Variants in CBFA2T2 observed in about 807,000 individuals in gnomAD.
CBFA2T2 encodes CBFA2/RUNX1 partner transcriptional co-repressor 2, also known as protein CBFA2T2.
In CBFA2T2, 11 loss-of-function variants were observed where a neutral mutation model predicts 62.2. The ratio of observed to expected loss-of-function variants is 0.18; its 90% CI spans 0.11 to 0.29. The LOEUF is 0.29. Ranked by LOEUF, CBFA2T2 falls within the 10% of genes least tolerant of loss-of-function variation. The probability of loss-of-function intolerance (pLI) is 1.00; values close to 1 mark genes in which losing one functional copy is unlikely to be tolerated. For synonymous variants in CBFA2T2, 295 were observed against 287.5 expected (o/e 1.03, Z -0.27); for missense variants, 592 against 774.1 (o/e 0.76, Z 2.79).
intron 8 of CBFA2T2, among the ~76,000 whole-genome samples, chr20:33,635,563 T>A (rs1173981910): frequency 6.6e-6 from 1 of 152,168 alleles, no homozygotes; most frequent in Non-Finnish European, 1.5e-5. Flanking sequence ...AATTTGAGAT[T>A]GAATTGGAAG....
chr20:33,553,342 T>G (rs1430915175), intron 1 of CBFA2T2, among the ~76,000 whole-genome samples: 1 of 152,252 alleles, frequency 6.6e-6, no homozygotes, highest in Non-Finnish European at 1.5e-5. Context: ...TTCTCCTGTC[T>G]CAGCCTCCCG....
intron 1 of CBFA2T2, among the ~76,000 whole-genome samples, chr20:33,593,391 ATTT>A (rs754319345): frequency 3.9e-4 from 43 of 109,852 alleles, no homozygotes; most frequent in African/African-American, 1.2e-3. Context: ...TCTTGACTGG[ATTT>A]TTTTTTTTTT....
chr20:33,536,430 AC>A (rs1182872496), intron 1 of CBFA2T2, among the ~76,000 whole-genome samples: 2 of 115,444 alleles, frequency 1.7e-5, no homozygotes, highest in Non-Finnish European at 3.5e-5. Context: ...CGGGGGGCTG[AC>A]CCCCCCACCT....
At chr20:33,516,949 G>A (rs1311597304) in intron 1 of CBFA2T2, among the ~76,000 whole-genome samples, 1 of 152,174 alleles carries the variant, frequency 6.6e-6, no homozygotes, top group Non-Finnish European at 1.5e-5. Flanking sequence ...AGCAACATTC[G>A]ATATTGATTT....
At chr20:33,503,563 T>C (rs553558262) in intron 1 of CBFA2T2, among the ~76,000 whole-genome samples, 9 of 152,304 alleles carry the variant, frequency 5.9e-5, no homozygotes, top group Admixed American at 1.3e-4. Context: ...ATTTTGTGTG[T>C]ATTTTTAGGA....
At chr20:33,501,604 T>A (rs906244374) in intron 1 of CBFA2T2, among the ~76,000 whole-genome samples, 9 of 150,164 alleles carry the variant, frequency 6.0e-5, no homozygotes, top group African/African-American at 2.2e-4. Flanking sequence ...TCTGGCTAAG[T>A]AGTTGAAACT....
At chr20:33,612,472 A>T (rs1210816429) in intron 3 of CBFA2T2, among the ~76,000 whole-genome samples, 1 of 152,102 alleles carries the variant, frequency 6.6e-6, no homozygotes, top group Non-Finnish European at 1.5e-5. Flanking sequence ...GAAGGTGAAA[A>T]CTATTTTCAT....
Position 33,490,189 on chromosome 20 carries a change from G to A in CBFA2T2, c.-79G>A. ...GCGACGCCTGCGAGGGACCCGGGCCGCGGGTCGAGGCGGGCGGCGCCTGCG... is the reference window on the plus strand; with the variant it reads ...GCGACGCCTGCGAGGGACCCGGGCCACGGGTCGAGGCGGGCGGCGCCTGCG... On this transcript the variant is annotated 5_prime_UTR_variant, in exon 1 of 11. Transcript: ENST00000342704. 8.4e-7 allele frequency: 1 copy of A among 1,194,900 alleles called. No individual in the cohort carries two copies. Among genetic ancestry groups the A allele is most frequent in the Non-Finnish European group, 1.0e-6 (1 of 962,098 alleles). 74.0% of individuals were successfully genotyped at this position (1,194,900 alleles called of 1,614,324 possible). A position where few individuals can be genotyped will look rare whatever the true frequency, so the allele number is the denominator to read the frequency against.
rs201457985 is a variant in CBFA2T2 at position 33,627,395 on chromosome 20, A to AG, written c.947-947dup. ...CTGGCAACAGAGTGAGACTCCGTCA[A>AG]GGGGGGGGAAAAAAACTGGCTTGCT... On this transcript the variant is annotated intron_variant, in intron 6 of 10. Coordinates refer to ENST00000342704, the MANE Select transcript of CBFA2T2 (RefSeq NM_001032999.3). Among the ~76,000 whole-genome samples the AG allele has an allele frequency of 2.5e-4, 38 of 151,404 alleles. 1 individual carries two copies. The East Asian group carries it at 4.1e-3, about 16-fold the overall frequency.
chr20:33,510,367 C>T (rs1374371190), intron 1 of CBFA2T2, among the ~76,000 whole-genome samples: 3 of 151,890 alleles, frequency 2.0e-5, no homozygotes, highest in Non-Finnish European at 2.9e-5. Context: ...CCCTCCACCA[C>T]GCCCGGCTAA....
Position 33,523,786 on chromosome 20 carries a change from G to A in CBFA2T2, c.34+33485G>A, listed in dbSNP as rs189655821. Among the ~76,000 whole-genome samples, 773 of 152,262 alleles carry A rather than the reference G, an allele frequency of 5.1e-3. 5 individuals carry two copies. Among genetic ancestry groups the A allele is most frequent in the Non-Finnish European group, 7.3e-3 (494 of 68,026 alleles). On this transcript the variant is annotated intron_variant, in intron 1 of 10. Coordinates refer to ENST00000342704, the MANE Select transcript of CBFA2T2 (RefSeq NM_001032999.3). ...CGCAACCTCCGCCTCCCTGGTTCAAGCAATTCTCCTGCCTCAGCCTCCCGA... is the reference window on the plus strand; with the variant it reads ...CGCAACCTCCGCCTCCCTGGTTCAAACAATTCTCCTGCCTCAGCCTCCCGA...
At chr20:33,644,315 A>G (rs1474396665) in intron 10 of CBFA2T2, 32 bp from the exon 11 acceptor site, 2 of 1,587,720 alleles carry the variant, frequency 1.3e-6, no homozygotes, top group Non-Finnish European at 1.7e-6. Context: ...CCTCAATCCC[A>G]GCAACCACTA....
intron 1 of CBFA2T2, among the ~76,000 whole-genome samples, chr20:33,554,827 A>G (rs956486441): frequency 1.3e-5 from 2 of 151,754 alleles, no homozygotes; most frequent in Non-Finnish European, 2.9e-5. Flanking sequence ...TCTCAAGTGT[A>G]TTTGTAGAAT....
chr20:33,517,971 C>CA (rs1405956800), intron 1 of CBFA2T2, among the ~76,000 whole-genome samples: 1 of 150,938 alleles, frequency 6.6e-6, no homozygotes, highest in Non-Finnish European at 1.5e-5. Context: ...TTTTTTGAGA[C>CA]AGAGTCTCTC....
intron 1 of CBFA2T2, among the ~76,000 whole-genome samples, chr20:33,517,811 A>AT (rs1258796693): frequency 2.0e-5 from 3 of 151,050 alleles, no homozygotes; most frequent in African/African-American, 7.3e-5. Flanking sequence ...TACCTGGCCA[A>AT]TTTTTTGTAT....
chr20:33,506,655 A>G (rs553553926), intron 1 of CBFA2T2, among the ~76,000 whole-genome samples: 1 of 152,212 alleles, frequency 6.6e-6, no homozygotes, highest in Non-Finnish European at 1.5e-5. Context: ...GTGATTAACC[A>G]TCTTTTCCTC....
intron 1 of CBFA2T2, among the ~76,000 whole-genome samples, chr20:33,529,453 T>C (rs2011983211): frequency 6.6e-6 from 1 of 152,056 alleles, no homozygotes; most frequent in African/African-American, 2.4e-5. Context: ...TTCCTTTACT[T>C]TGTTCTCTTT....
chr20:33,598,763 T>C (rs1000930394), intron 1 of CBFA2T2, among the ~76,000 whole-genome samples: 1 of 152,220 alleles, frequency 6.6e-6, no homozygotes, highest in African/African-American at 2.4e-5. Flanking sequence ...GTTTAGAGAT[T>C]GCAGTAAAGA....
At chr20:33,553,769 C>T (rs984135938) in intron 1 of CBFA2T2, among the ~76,000 whole-genome samples, 2 of 152,066 alleles carry the variant, frequency 1.3e-5, no homozygotes, top group Non-Finnish European at 2.9e-5. Flanking sequence ...CTTGAAAGCC[C>T]TTGTTATGCA....
Sources: gnomAD v4.1 joint callset for allele counts (sites outside exome capture counted in the v4.1 genomes callset) on GRCh38, gnomAD v4.1.1 for gene constraint, MANE v1.5 for transcripts, NCBI Gene and HGNC (gene_info 2026-07-23, HGNC 2026-07-21) for gene names.